Variants in LYRM4 observed in about 807,000 individuals in gnomAD.
The protein encoded by LYRM4 is LYR motif-containing protein 4.
In LYRM4, 9 loss-of-function variants were observed where a neutral mutation model predicts 11.7. The observed-to-expected ratio is 0.77, with a 90% CI of 0.46 to 1.34. The LOEUF is 1.34. LYRM4 is among the 40% of genes most tolerant of loss of function. LYRM4 has a pLI of 0.00. For missense variants in LYRM4, 133 were observed against 112.5 expected, an observed-to-expected ratio of 1.18 and a Z score of -0.82; for synonymous variants, 42 against 40.4, an observed-to-expected ratio of 1.04 and a Z score of -0.15.
At chr6:5,141,742 A>AC (rs907766238) in intron 2 of LYRM4, among the ~76,000 whole-genome samples, 22 of 152,028 alleles carry the variant, frequency 1.4e-4, no homozygotes, top group Admixed American at 2.6e-4. Flanking sequence ...CCAAACTTTT[A>AC]CCCCCCCACC....
intron 2 of LYRM4, chr6:5,136,499 G>A: frequency 2.1e-6 from 2 of 943,148 alleles, no homozygotes; most frequent in South Asian, 4.9e-5. Flanking sequence ...ACCTAACCCT[G>A]TAGTCTCAGT....
rs563824803 is a variant in LYRM4 at position 5,255,388 on chromosome 6, T to C, written c.86+5260A>G. On this transcript the variant is annotated intron_variant, in intron 1 of 2. Transcript: ENST00000330636. ...AGCCAAACATGAAAGAGACTTGCAC[T>C]AGTGTCAAACTATCAATCTGCTGAT... is the stretch of plus-strand genomic sequence containing the variant. 3.3e-5 allele frequency among the ~76,000 whole-genome samples: 5 copies of C among 152,334 alleles called. No individual in the cohort carries two copies. The South Asian group carries it at 1.0e-3, about 32-fold the overall frequency.
At chr6:5,128,797 A>AT (rs761261463) in intron 2 of LYRM4, among the ~76,000 whole-genome samples, 2 of 152,044 alleles carry the variant, frequency 1.3e-5, no homozygotes, top group Non-Finnish European at 2.9e-5. Flanking sequence ...TTTTATTTAC[A>AT]TTTTTTTGTG....
At chr6:5,085,651 G>C in the LYRM4 span, 16 of 1,548,764 alleles carry the variant, frequency 1.0e-5, no homozygotes, top group Non-Finnish European at 1.4e-5. Context: ...TCAGCTAGGG[G>C]ATAGGCCCCT....
At chr6:5,094,836 T>C in the LYRM4 span, among the ~76,000 whole-genome samples, 1 of 152,160 alleles carries the variant, frequency 6.6e-6, no homozygotes, top group South Asian at 2.1e-4. Context: ...AAGGGATCGC[T>C]GAAGGGGAAG....
chr6:5,113,685 G>C (rs900340504), intron 2 of LYRM4, among the ~76,000 whole-genome samples: 7 of 151,794 alleles, frequency 4.6e-5, no homozygotes, highest in African/African-American at 1.7e-4. Flanking sequence ...TCTCCAAAAT[G>C]CTGCTCCTCT....
At chr6:5,045,177 A>C in the LYRM4 span, among the ~76,000 whole-genome samples, 1 of 152,236 alleles carries the variant, frequency 6.6e-6, no homozygotes, top group Non-Finnish European at 1.5e-5. Context: ...TCCTCCCAGC[A>C]GCATTATTCA....
chr6:5,093,956 G>A, the LYRM4 span, among the ~76,000 whole-genome samples: 2 of 152,188 alleles, frequency 1.3e-5, no homozygotes, highest in East Asian at 3.9e-4. Context: ...GTCCTGACTT[G>A]CCAGTGGGCC....
At chr6:5,049,051 G>A in the LYRM4 span, among the ~76,000 whole-genome samples, 1 of 152,110 alleles carries the variant, frequency 6.6e-6, no homozygotes, top group African/African-American at 2.4e-5. Context: ...AGATTTGGGA[G>A]GAGTCACTGC....
the LYRM4 span, chr6:5,085,923 G>C: frequency 6.5e-7 from 1 of 1,529,636 alleles, no homozygotes; most frequent in Non-Finnish European, 8.7e-7. Context: ...CCAGCGTGAA[G>C]CACTTCAGCG....
chr6:5,129,439 A>G (rs1377961278), intron 2 of LYRM4, among the ~76,000 whole-genome samples: 1 of 152,102 alleles, frequency 6.6e-6, no homozygotes, highest in Non-Finnish European at 1.5e-5. Context: ...TCCAGCTTGT[A>G]TGGCCTCCTG....
intron 2 of LYRM4, among the ~76,000 whole-genome samples, chr6:5,172,774 A>T (rs2773333): frequency 0.29 from 44,835 of 152,070 alleles, 6,951 homozygotes; most frequent in African/African-American, 0.4. Flanking sequence ...GAGAGACTAA[A>T]ATTATTCCTT....
At chr6:5,184,500 A>G (rs916000704) in intron 2 of LYRM4, among the ~76,000 whole-genome samples, 2 of 152,232 alleles carry the variant, frequency 1.3e-5, no homozygotes, top group African/African-American at 4.8e-5. Context: ...TTAAAACCAC[A>G]GGAAAACAAA....
chr6:5,240,705 C>G (rs545319837), intron 1 of LYRM4: 6 of 152,236 alleles, frequency 3.9e-5, no homozygotes, highest in Admixed American at 3.9e-4. Flanking sequence ...GTGAGCATGG[C>G]CAGGGAAAGA....
At chr6:5,148,882 C>T (rs1027751422) in intron 2 of LYRM4, among the ~76,000 whole-genome samples, 3 of 152,126 alleles carry the variant, frequency 2.0e-5, no homozygotes, top group East Asian at 1.9e-4. Context: ...TAAAATTAAA[C>T]GTGGTTCTGA....
the LYRM4 span, among the ~76,000 whole-genome samples, chr6:5,062,944 G>A: frequency 3.9e-5 from 6 of 152,274 alleles, no homozygotes; most frequent in South Asian, 1.2e-3. Context: ...GCCCTTGGAA[G>A]GACTCATGTG....
chr6:5,049,767 T>C, the LYRM4 span, among the ~76,000 whole-genome samples: 1 of 152,018 alleles, frequency 6.6e-6, no homozygotes, highest in Non-Finnish European at 1.5e-5. Flanking sequence ...CCTCCCGGGT[T>C]CAAACGATTC....
At chr6:5,213,201 G>A (rs1762076195) in intron 2 of LYRM4, among the ~76,000 whole-genome samples, 1 of 152,188 alleles carries the variant, frequency 6.6e-6, no homozygotes, top group South Asian at 2.1e-4. Flanking sequence ...GCTCACGCCT[G>A]GCCATGTGGC....
intron 1 of LYRM4, among the ~76,000 whole-genome samples, chr6:5,247,291 A>G (rs375754340): frequency 1.3e-5 from 2 of 152,200 alleles, no homozygotes; most frequent in South Asian, 2.1e-4. Context: ...GAGGAGAGAA[A>G]CAGAACACTA....
Sources: gnomAD v4.1 joint callset for allele counts (sites outside exome capture counted in the v4.1 genomes callset) on GRCh38, gnomAD v4.1.1 for gene constraint, MANE v1.5 for transcripts, NCBI Gene and HGNC (gene_info 2026-07-23, HGNC 2026-07-21) for gene names.